The following ST3GAL3 variants were observed in gnomAD, a reference collection of about 807,000 sequenced individuals.
ST3GAL3 encodes the protein CMP-N-acetylneuraminate-beta-1,4-galactoside alpha-2,3-sialyltransferase.
A neutral mutation model predicts 50.1 loss-of-function variants in ST3GAL3; 21 were observed. The ratio of observed to expected loss-of-function variants is 0.42; its 90% CI spans 0.30 to 0.60. The LOEUF is 0.60. ST3GAL3 is among the 20% of genes least tolerant of loss of function. ST3GAL3 has a pLI of 0.19. For missense variants in ST3GAL3, 353 were observed against 489.4 expected (o/e 0.72, Z 2.63); for synonymous variants, 183 against 190.0 (o/e 0.96, Z 0.30).
chr1:43,909,586 A>G (rs1051576341), intron 9 of ST3GAL3, among the ~76,000 whole-genome samples: 19 of 152,386 alleles, frequency 1.2e-4, no homozygotes, highest in African/African-American at 4.6e-4. Context: ...CTAAAAAGCG[A>G]AATATAAAAA....
At chr1:43,851,585 A>T in intron 5 of ST3GAL3, 1 of 1,397,930 alleles carries the variant, frequency 7.2e-7, no homozygotes, top group Non-Finnish European at 1.0e-6. Context: ...TCTCCGAGGT[A>T]ATCAGCTCCA....
chr1:43,892,292 C>T (rs2076791883), intron 5 of ST3GAL3, among the ~76,000 whole-genome samples: 2 of 152,104 alleles, frequency 1.3e-5, no homozygotes, highest in African/African-American at 4.8e-5. Flanking sequence ...AGTTCTCACA[C>T]TGTCACCCAG....
At chr1:43,742,100 C>T (rs1298591544) in intron 2 of ST3GAL3, among the ~76,000 whole-genome samples, 1 of 152,160 alleles carries the variant, frequency 6.6e-6, no homozygotes, top group Non-Finnish European at 1.5e-5. Context: ...ACCATATAGA[C>T]AGCAGCTGGT....
intron 9 of ST3GAL3, among the ~76,000 whole-genome samples, chr1:43,917,623 TATATATAATATATAATATA>T (rs2082234413): frequency 1.3e-5 from 1 of 77,492 alleles, no homozygotes; most frequent in African/African-American, 5.7e-5. Flanking sequence ...TATATTATAT[TATATATAATATATAATATA>T]ATATATAATA....
chr1:43,881,670 A>C (rs977848302), intron 5 of ST3GAL3, among the ~76,000 whole-genome samples: 3 of 152,056 alleles, frequency 2.0e-5, no homozygotes, highest in Non-Finnish European at 4.4e-5. Context: ...CTCCTTCAGC[A>C]CAGGCCTCCC....
chr1:43,754,393 C>T (rs952086720), intron 2 of ST3GAL3, among the ~76,000 whole-genome samples: 3 of 152,076 alleles, frequency 2.0e-5, no homozygotes, highest in South Asian at 4.1e-4. Context: ...GGTTTCACCG[C>T]GTTAGCCAGG....
At chr1:43,887,509 A>G (rs2076149266) in intron 5 of ST3GAL3, among the ~76,000 whole-genome samples, 1 of 152,198 alleles carries the variant, frequency 6.6e-6, no homozygotes, top group African/African-American at 2.4e-5. Flanking sequence ...TTGGAGATTA[A>G]TATTTTCAAA....
At chr1:43,898,642 G>A (rs940501959) in intron 7 of ST3GAL3, among the ~76,000 whole-genome samples, 3 of 152,170 alleles carry the variant, frequency 2.0e-5, no homozygotes, top group Non-Finnish European at 2.9e-5. Context: ...AGAAGGCAGT[G>A]ACAGCTCCCA....
intron 4 of ST3GAL3, chr1:43,824,974 CCAGGTAATTG>C (rs2154187056): frequency 1.4e-6 from 1 of 712,538 alleles, no homozygotes; most frequent in South Asian, 1.5e-5. Context: ...CTCCACTTCC[CCAGGTAATTG>C]ATACCAAGAA....
intron 4 of ST3GAL3, among the ~76,000 whole-genome samples, chr1:43,826,459 A>G (rs1031804420): frequency 6.6e-6 from 1 of 152,232 alleles, no homozygotes; most frequent in Non-Finnish European, 1.5e-5. Flanking sequence ...CAGAAACAAC[A>G]GTCTCAGATG....
intron 5 of ST3GAL3, among the ~76,000 whole-genome samples, chr1:43,871,678 TGA>T (rs2072840317): frequency 2.4e-5 from 1 of 42,082 alleles, no homozygotes; most frequent in African/African-American, 1.1e-4. Context: ...AGATGGGGTG[TGA>T]GGGAGAGGAT....
chr1:43,792,121 T>C lies in ST3GAL3; in HGVS notation c.138T>C (p.Phe46=). 1 of 1,614,240 alleles carries C rather than the reference T, an allele frequency of 6.2e-7. No homozygotes were observed. The highest frequency in any genetic ancestry group is 1.1e-5 in the South Asian group (1 of 91,082). ...TTGCAGATTCAGTGGTTCTTTCCTT[T>C]GACTCCGCTGGACAAACACTAGGCT... ...EEDSNSVVLS[F]DSAGQTLGSE... is the part of the protein sequence containing the mutation. The change falls in exon 3 of 12, where the codon TTT becomes TTC. Residue 46 remains phenylalanine, a synonymous_variant. Transcript: ENST00000347631.
Position 43,930,184 on chromosome 1 carries a change from A to G in ST3GAL3, c.1091A>G (p.Lys364Arg), listed in dbSNP as rs779300816. ...AAAGAGTTTCTGCGGAAGCTGGTGAAAGCTCGCGTCATCACTGATCTAAGC... is the reference window on the plus strand; with the variant it reads ...AAAGAGTTTCTGCGGAAGCTGGTGAGAGCTCGCGTCATCACTGATCTAAGC... ...REKEFLRKLVKARVITDLSSG... is the reference protein window; with the variant it reads ...REKEFLRKLVRARVITDLSSG... Residue 364 changes from lysine (K) to arginine (R), a missense_variant, in exon 12 of 12, where the codon AAA (lysine) becomes AGA (arginine). By Grantham distance (26) the Lys-to-Arg change is conservative. Coordinates refer to ENST00000347631, the MANE Select transcript of ST3GAL3 (RefSeq NM_006279.5). 4.3e-6 allele frequency: 7 copies of G among 1,613,930 alleles called. No homozygotes were observed. The highest frequency in any genetic ancestry group is 5.9e-6 in the Non-Finnish European group (7 of 1,180,048).
At chr1:43,855,205 C>G (rs1293038531) in intron 5 of ST3GAL3, among the ~76,000 whole-genome samples, 1 of 152,164 alleles carries the variant, frequency 6.6e-6, no homozygotes, top group East Asian at 1.9e-4. Context: ...TTTTAGAGCA[C>G]CTACCGTGTG....
chr1:43,899,631 G>A lies in ST3GAL3; in HGVS notation c.648G>A (p.Arg216=). The A allele has an allele frequency of 6.2e-7, 1 of 1,614,160 alleles. No individual in the cohort carries two copies. The highest frequency in any genetic ancestry group is 8.5e-7 in the Non-Finnish European group (1 of 1,180,036). The stretch of plus-strand genomic sequence containing the variant: ...CCTACCCCGAGGGCGCCATGCAGCG[G>A]CCTGAGCAGTACGAGCGCGATTCTC... ...RITYPEGAMQ[R]PEQYERDSLF... The change falls in exon 9 of 12, where the codon CGG becomes CGA. Residue 216 remains arginine, a synonymous_variant. Transcript: ENST00000347631. This position sits in a 1 kb window ranked among gnomAD's most constrained non-coding sequence, Gnocchi z 5.4.
At chr1:43,880,950 C>G (rs2154255763) in intron 5 of ST3GAL3, among the ~76,000 whole-genome samples, 1 of 151,858 alleles carries the variant, frequency 6.6e-6, no homozygotes, top group East Asian at 1.9e-4. Flanking sequence ...TCATGTATTT[C>G]ATAACTGCCT....
intron 4 of ST3GAL3, among the ~76,000 whole-genome samples, chr1:43,818,359 C>T (rs1025451432): frequency 6.6e-6 from 1 of 152,138 alleles, no homozygotes; most frequent in African/African-American, 2.4e-5. Context: ...GTATTTGTTG[C>T]CAGAGTTCTC....
At chr1:43,901,696 C>T (rs1047855365) in intron 9 of ST3GAL3, among the ~76,000 whole-genome samples, 16 of 152,168 alleles carry the variant, frequency 1.1e-4, no homozygotes, top group African/African-American at 2.7e-4. Context: ...CATTGCAGGA[C>T]GAGGCACAGG....
rs1689298014 is a variant in ST3GAL3 at position 43,759,100 on chromosome 1, CACACACAG to C, written c.118+22722_118+22729del. Among the ~76,000 whole-genome samples, 8 of 144,412 alleles carry C rather than the reference CACACACAG, an allele frequency of 5.5e-5. No individual in the cohort carries two copies. In the South Asian group the frequency reaches 1.8e-3, roughly 33 times the overall value. 94.7% of individuals were successfully genotyped at this position (144,412 alleles called of 152,430 possible). A position where few individuals can be genotyped will look rare whatever the true frequency, so the allele number is the denominator to read the frequency against. On this transcript the variant is annotated intron_variant, in intron 2 of 11. Transcript: ENST00000347631. ...ACACACACACACACACACACACACACACACACAGAAGGGGATATATAGTGATGAAAAAA... is the reference window on the plus strand; with the variant it reads ...ACACACACACACACACACACACACACAAGGGGATATATAGTGATGAAAAAA...
Sources: allele counts gnomAD v4.1 joint callset (sites outside exome capture counted in the v4.1 genomes callset), GRCh38; gene constraint gnomAD v4.1.1; non-coding constraint Gnocchi (gnomAD v3.1); transcripts MANE v1.5; gene names NCBI Gene and HGNC (gene_info 2026-07-23, HGNC 2026-07-21).